The following SLC2A9 variants were observed in gnomAD, a reference collection of about 807,000 sequenced individuals.
The protein encoded by SLC2A9 is solute carrier family 2, facilitated glucose transporter member 9.
In SLC2A9, 39 loss-of-function variants were observed where a neutral mutation model predicts 50.6. The ratio of observed to expected loss-of-function variants is 0.77; its 90% CI spans 0.60 to 1.01. The LOEUF (loss-of-function observed/expected upper bound fraction) is 1.01, where lower values mean the gene tolerates loss of function less well. Ranked by LOEUF, SLC2A9 falls within the 50% of genes least tolerant of loss-of-function variation. The pLI is 0.00. For synonymous variants in SLC2A9, 324 were observed against 276.9 expected, an observed-to-expected ratio of 1.17 and a Z score of -1.69; for missense variants, 686 against 677.6, an observed-to-expected ratio of 1.01 and a Z score of -0.14.
At chr4:9,807,973 T>C (rs1452624841) in intron 3 of SLC2A9, among the ~76,000 whole-genome samples, 2 of 152,208 alleles carry the variant, frequency 1.3e-5, no homozygotes, top group Non-Finnish European at 2.9e-5. Context: ...TTTCCTGAAA[T>C]CTCACCATGT....
At chr4:9,887,716 C>G (rs982293018) in intron 9 of SLC2A9, 74 bp from the exon 10 acceptor site, 1 of 1,212,340 alleles carries the variant, frequency 8.2e-7, no homozygotes, top group Non-Finnish European at 1.1e-6. Flanking sequence ...CACCCCAGCT[C>G]CTCCTCCATC....
intron 10 of SLC2A9, among the ~76,000 whole-genome samples, chr4:9,877,303 C>T (rs570506775): frequency 1.3e-5 from 2 of 152,184 alleles, no homozygotes; most frequent in Non-Finnish European, 2.9e-5. Context: ...GCAGGGAGAC[C>T]TTGCTGTCTG....
chr4:9,884,720 A>G (rs1735858633), intron 10 of SLC2A9, among the ~76,000 whole-genome samples: 1 of 152,222 alleles, frequency 6.6e-6, no homozygotes, highest in Non-Finnish European at 1.5e-5. Context: ...ACATGCATGC[A>G]TATATTCATT....
chr4:10,012,954 A>G (rs1479524796), intron 2 of SLC2A9, among the ~76,000 whole-genome samples: 1 of 152,090 alleles, frequency 6.6e-6, no homozygotes, highest in Non-Finnish European at 1.5e-5. Context: ...ATCTTGCTTC[A>G]TTTGTCAAGG....
At position 9,829,816 on chromosome 4, in the gene SLC2A9, C is replaced by T. The variant is rs930002734; in HGVS notation, c.1420-3216G>A. Among the ~76,000 whole-genome samples the T allele has an allele frequency of 6.6e-5, 10 of 152,258 alleles. No homozygotes were observed. The East Asian group carries it at 1.7e-3, about 26-fold the overall frequency. ...GGCAAATCAAAACCACAATGAGATA[C>T]CATCTCATACCAGTCAAAATGGCGA... On this transcript the variant is annotated intron_variant, in intron 11 of 11. Transcript: ENST00000264784.
chr4:9,803,345 T>A (rs1577331112), intron 3 of SLC2A9, among the ~76,000 whole-genome samples: 1 of 152,240 alleles, frequency 6.6e-6, no homozygotes, highest in African/African-American at 2.4e-5. Context: ...TTTTACTACA[T>A]CCTCTAGCAG....
At chr4:9,793,288 C>A (rs190188051) in intron 3 of SLC2A9, among the ~76,000 whole-genome samples, 1 of 152,188 alleles carries the variant, frequency 6.6e-6, no homozygotes, top group African/African-American at 2.4e-5. Flanking sequence ...AAATTGAGGC[C>A]CTGAGGGACT....
intron 1 of SLC2A9, among the ~76,000 whole-genome samples, chr4:10,020,828 T>G (rs1012284333): frequency 6.6e-6 from 1 of 152,094 alleles, no homozygotes; most frequent in Non-Finnish European, 1.5e-5. Context: ...GAAGGGCAGG[T>G]GGGGGCCATC....
intron 5 of SLC2A9, among the ~76,000 whole-genome samples, chr4:9,955,066 T>G (rs1301063419): frequency 2.6e-5 from 4 of 152,322 alleles, no homozygotes. Flanking sequence ...AGTCAGCATG[T>G]GCACAACGTC....
Position 9,889,151 on chromosome 4 carries a change from T to A in SLC2A9, c.1215+1459A>T, listed in dbSNP as rs181280151. ...ACAGGAGAGAGCACCTCACCCAGAC[T>A]TGGAAGCAAGGGGAGGCTTCCTGCA... is the stretch of plus-strand genomic sequence containing the variant. On this transcript the variant is annotated intron_variant, in intron 9 of 11. Transcript: ENST00000264784. Among the ~76,000 whole-genome samples, 5 of 152,308 alleles carry A rather than the reference T, an allele frequency of 3.3e-5. No individual in the cohort carries two copies. The East Asian group carries it at 7.7e-4, about 24-fold the overall frequency.
At chr4:10,017,423 G>C (rs149827891) in intron 2 of SLC2A9, among the ~76,000 whole-genome samples, 19 of 152,314 alleles carry the variant, frequency 1.2e-4, no homozygotes, top group East Asian at 7.7e-4. Flanking sequence ...ACGTCACAAT[G>C]ACAAAATCAA....
At chr4:9,968,801 A>G (rs1279548293) in intron 5 of SLC2A9, among the ~76,000 whole-genome samples, 1 of 152,172 alleles carries the variant, frequency 6.6e-6, no homozygotes, top group Non-Finnish European at 1.5e-5. Flanking sequence ...CAAATATTTT[A>G]TATTTTATCA....
intron 5 of SLC2A9, among the ~76,000 whole-genome samples, chr4:9,949,064 A>G (rs1478229114): frequency 4.6e-5 from 7 of 152,146 alleles, no homozygotes; most frequent in African/African-American, 7.2e-5. Context: ...CAGCACATCT[A>G]TCTACTCATC....
At chr4:10,028,092 T>C (rs1763813585) in intron 1 of SLC2A9, among the ~76,000 whole-genome samples, 1 of 152,188 alleles carries the variant, frequency 6.6e-6, no homozygotes, top group African/African-American at 2.4e-5. Flanking sequence ...GGGTTTCTGC[T>C]GCTTTGACCA....
At chr4:10,006,881 G>A (rs1481770419) in intron 2 of SLC2A9, among the ~76,000 whole-genome samples, 5 of 151,942 alleles carry the variant, frequency 3.3e-5, no homozygotes, top group Non-Finnish European at 2.9e-5. Context: ...GAGTGCCTAT[G>A]TGACCACCCC....
intron 1 of SLC2A9, among the ~76,000 whole-genome samples, chr4:10,038,306 A>C (rs899256567): frequency 2.7e-5 from 4 of 150,046 alleles, no homozygotes; most frequent in Non-Finnish European, 6.0e-5. Context: ...CAAGGAGTTC[A>C]AGACCAGCCT....
intron 6 of SLC2A9, among the ~76,000 whole-genome samples, chr4:9,939,389 G>C (rs1247657627): frequency 6.6e-6 from 1 of 152,220 alleles, no homozygotes; most frequent in Admixed American, 6.5e-5. Flanking sequence ...CATTATTACA[G>C]TAATAGTTGA....
At chr4:9,827,454 A>T (rs1725329949) in intron 11 of SLC2A9, among the ~76,000 whole-genome samples, 1 of 152,276 alleles carries the variant, frequency 6.6e-6, no homozygotes, top group South Asian at 2.1e-4. Context: ...TCCAAAGATA[A>T]GGTGACACTG....
chr4:9,904,448 C>A (rs1031630448), intron 8 of SLC2A9, among the ~76,000 whole-genome samples: 22 of 152,292 alleles, frequency 1.4e-4, no homozygotes, highest in African/African-American at 5.1e-4. Context: ...CCTGCCTCCC[C>A]CTTTCACTTA....
Sources: gnomAD v4.1 joint callset for allele counts (sites outside exome capture counted in the v4.1 genomes callset) on GRCh38, gnomAD v4.1.1 for gene constraint, MANE v1.5 for transcripts, NCBI Gene and HGNC (gene_info 2026-07-23, HGNC 2026-07-21) for gene names.